Variants in PPP1R12B observed in about 807,000 individuals in gnomAD.
PPP1R12B encodes the protein myosin phosphatase target subunit 2.
A neutral mutation model predicts 126.1 loss-of-function variants in PPP1R12B; 76 were observed. That is an observed-to-expected ratio of 0.60 (90% CI 0.50 to 0.73). The LOEUF is 0.73. Among genes scored for constraint, PPP1R12B ranks in the 30% least tolerant of loss-of-function variants. The probability of loss-of-function intolerance (pLI) is 0.00; values close to 1 mark genes in which losing one functional copy is unlikely to be tolerated. For missense variants in PPP1R12B, 1,052 were observed against 1,205.1 expected, an observed-to-expected ratio of 0.87 and a Z score of 1.88; for synonymous variants, 356 against 434.7, an observed-to-expected ratio of 0.82 and a Z score of 2.25.
Position 202,487,026 on chromosome 1 carries a change from G to C in PPP1R12B, c.1851-1507G>C, listed in dbSNP as rs766754156. Among the ~76,000 whole-genome samples, 76 of 152,150 alleles carry C rather than the reference G, an allele frequency of 5.0e-4. 5 individuals are homozygous for C. The highest frequency in any genetic ancestry group is 1.3e-4 in the Non-Finnish European group (9 of 68,020). On this transcript the variant is annotated intron_variant, in intron 13 of 23. Transcript: ENST00000608999. ...TAAGCCAATTTCTTTCATGAATGTG[G>C]TAGGAATTCTAAACTAAATAATAGT...
chr1:202,414,050 T>A (rs925560776), intron 1 of PPP1R12B, among the ~76,000 whole-genome samples: 1 of 152,166 alleles, frequency 6.6e-6, no homozygotes, highest in Admixed American at 6.5e-5. Context: ...GCCTCCTGAG[T>A]ACCTGAGATT....
chr1:202,546,168 G>T (rs546044055), intron 18 of PPP1R12B, among the ~76,000 whole-genome samples: 9 of 152,158 alleles, frequency 5.9e-5, no homozygotes, highest in Non-Finnish European at 1.2e-4. Context: ...TATTTTTTCT[G>T]GGAAATACAG....
At chr1:202,389,722 T>A (rs1663805070) in intron 1 of PPP1R12B, among the ~76,000 whole-genome samples, 1 of 150,968 alleles carries the variant, frequency 6.6e-6, no homozygotes, top group Non-Finnish European at 1.5e-5. Flanking sequence ...AGGTCAGGAG[T>A]TCGAGACCAG....
rs986377289 is a variant in PPP1R12B, at chr1:202,586,061, T to C, written c.*5501T>C. ...TTTCCTCGACAAGAACCTCAATCTT[T>C]AGTTCCATTGAGCTCCCCCTCTGGA... On this transcript the variant is annotated 3_prime_UTR_variant, in exon 24 of 24. Coordinates refer to ENST00000608999, the MANE Select transcript of PPP1R12B (RefSeq NM_002481.4). The C allele has an allele frequency of 1.3e-5, 2 of 152,244 alleles. No homozygotes were observed. The highest frequency in any genetic ancestry group is 2.4e-5 in the African/African-American group (1 of 41,464). The allele number at this position is 152,244 out of a possible 1,614,324, so 9.4% of individuals were successfully genotyped here.
At chr1:202,496,522 G>C (rs886152364) in intron 17 of PPP1R12B, among the ~76,000 whole-genome samples, 7 of 152,186 alleles carry the variant, frequency 4.6e-5, no homozygotes, top group Admixed American at 3.9e-4. Flanking sequence ...AATTAAGTCT[G>C]TCTGTCTTGT....
chr1:202,386,252 A>G (rs1261335641), intron 1 of PPP1R12B, among the ~76,000 whole-genome samples: 1 of 151,844 alleles, frequency 6.6e-6, no homozygotes, highest in Non-Finnish European at 1.5e-5. Flanking sequence ...TTTCTATAGT[A>G]AAAAATACAT....
Position 202,493,304 on chromosome 1 carries a change from G to GCTCACC in PPP1R12B, c.2132_2133insCTCACC (p.Ser711_Leu712insSerPro), listed in dbSNP as rs1679132852. 1 of 1,612,016 alleles carries GCTCACC rather than the reference G, an allele frequency of 6.2e-7. No homozygotes were observed. Among genetic ancestry groups the GCTCACC allele is most frequent in the Non-Finnish European group, 8.5e-7 (1 of 1,179,718 alleles). ...GAGGGCCAGCAGCCCTGGGGCAGGA[G>GCTCACC]TCTGGATGAAGAGGTGAGCTCATTT... is the stretch of plus-strand genomic sequence containing the variant. On this transcript the variant is annotated inframe_insertion, in exon 15 of 24. Coordinates refer to ENST00000608999, the MANE Select transcript of PPP1R12B (RefSeq NM_002481.4).
At chr1:202,441,414 GC>G (rs1318018799) in intron 11 of PPP1R12B, among the ~76,000 whole-genome samples, 1 of 152,048 alleles carries the variant, frequency 6.6e-6, no homozygotes, top group Non-Finnish European at 1.5e-5. Context: ...CTCCTGACTT[GC>G]CCTCCCAAAG....
At chr1:202,390,662 CTT>C (rs35412743) in intron 1 of PPP1R12B, among the ~76,000 whole-genome samples, 129 of 135,166 alleles carry the variant, frequency 9.5e-4, no homozygotes, top group South Asian at 2.7e-3. Flanking sequence ...TCACATCCAG[CTT>C]TTTTTTTTTT....
intron 1 of PPP1R12B, among the ~76,000 whole-genome samples, chr1:202,407,988 G>T (rs1253338672): frequency 6.6e-6 from 1 of 151,970 alleles, no homozygotes; most frequent in African/African-American, 2.4e-5. Flanking sequence ...ATTGTTTTAG[G>T]CATTTTAAAT....
chr1:202,417,191 T>C (rs1208075962), intron 2 of PPP1R12B: 24 of 965,222 alleles, frequency 2.5e-5, no homozygotes, highest in Non-Finnish European at 2.6e-5. Context: ...TGTTCCACTG[T>C]CTGGGTTCAC....
At chr1:202,473,597 C>T (rs1438860968) in intron 13 of PPP1R12B, among the ~76,000 whole-genome samples, 5 of 152,242 alleles carry the variant, frequency 3.3e-5, no homozygotes, top group Non-Finnish European at 7.3e-5. Flanking sequence ...TCTTTCACCT[C>T]CCTGTCAAAT....
At chr1:202,446,080 T>A (rs1157761337) in intron 12 of PPP1R12B, among the ~76,000 whole-genome samples, 1 of 151,702 alleles carries the variant, frequency 6.6e-6, no homozygotes, top group Non-Finnish European at 1.5e-5. Flanking sequence ...TGATGGATTA[T>A]TAATAATAAT....
intron 1 of PPP1R12B, among the ~76,000 whole-genome samples, chr1:202,356,821 C>CTTT (rs532654783): frequency 1.4e-5 from 2 of 139,808 alleles, no homozygotes; most frequent in African/African-American, 2.6e-5. Flanking sequence ...TGATTTCAGA[C>CTTT]TTTTTTTTTT....
chr1:202,534,672 C>T (rs1684350912), intron 18 of PPP1R12B, among the ~76,000 whole-genome samples: 1 of 151,374 alleles, frequency 6.6e-6, no homozygotes, highest in African/African-American at 2.4e-5. Context: ...TAAAGCCAAT[C>T]CCCTAACTAG....
At chr1:202,520,246 C>G (rs1248264085) in intron 18 of PPP1R12B, among the ~76,000 whole-genome samples, 1 of 152,234 alleles carries the variant, frequency 6.6e-6, no homozygotes, top group Non-Finnish European at 1.5e-5. Flanking sequence ...GAGGGCCTGG[C>G]TTAGCCTAAG....
In PPP1R12B at chr1:202,442,567, GA is replaced by G; in HGVS notation, c.1666del (p.Arg556GlyfsTer27). On this transcript the variant is annotated frameshift_variant, in exon 12 of 24. Coordinates refer to ENST00000608999, the MANE Select transcript of PPP1R12B (RefSeq NM_002481.4). LOFTEE classifies it high-confidence loss of function. Reference sequence around the variant, plus strand: ...CCTCCACCTATGTATCAACTTACTTGAAAAGGTACCAGGCTCAAAGGGGGTG... The same window carrying G: ...CCTCCACCTATGTATCAACTTACTTGAAAGGTACCAGGCTCAAAGGGGGTG... Reference protein sequence around the residue: ...APSTYVSTYLKRTPHKSQADT... With the variant: ...APSTYVSTYLXRTPHKSQADT... 1 of 1,611,180 alleles carries G rather than the reference GA, an allele frequency of 6.2e-7. No individual in the cohort carries two copies. The highest frequency in any genetic ancestry group is 8.5e-7 in the Non-Finnish European group (1 of 1,178,828).
At chr1:202,452,900 C>T (rs1176409785) in intron 13 of PPP1R12B, among the ~76,000 whole-genome samples, 1 of 151,416 alleles carries the variant, frequency 6.6e-6, no homozygotes, top group Non-Finnish European at 1.5e-5. Context: ...CTCCTGGGGT[C>T]AAGCCATTTT....
At chr1:202,521,570 T>C (rs1023590815) in intron 18 of PPP1R12B, among the ~76,000 whole-genome samples, 2 of 152,134 alleles carry the variant, frequency 1.3e-5, no homozygotes, top group African/African-American at 4.8e-5. Flanking sequence ...AAATACAATA[T>C]TGAAGTAAAA....
Sources: allele counts gnomAD v4.1 joint callset (sites outside exome capture counted in the v4.1 genomes callset), GRCh38; gene constraint gnomAD v4.1.1; transcripts MANE v1.5; gene names NCBI Gene and HGNC (gene_info 2026-07-23, HGNC 2026-07-21).